The following PIK3R1 variants were observed in gnomAD, a reference collection of about 807,000 sequenced individuals.
PIK3R1 encodes phosphoinositide-3-kinase regulatory subunit 1.
Under a neutral mutation model 98.0 loss-of-function variants are expected in PIK3R1, and 29 were observed. That is an observed-to-expected ratio of 0.30 (90% CI 0.22 to 0.40). The LOEUF is 0.40. Among genes scored for constraint, PIK3R1 ranks in the 10% least tolerant of loss-of-function variants. The pLI is 1.00. For synonymous variants in PIK3R1, 282 were observed against 311.8 expected (o/e 0.90, Z 1.01); for missense variants, 596 against 872.7 (o/e 0.68, Z 3.99).
chr5:68,294,474 T>A, intron 11 of PIK3R1, 62 bp from the exon 12 acceptor site: 1 of 1,271,108 alleles, frequency 7.9e-7, no homozygotes, highest in Non-Finnish European at 1.1e-6. Context: ...CCTGGTAGTG[T>A]CTTGCAGTAA....
intron 4 of PIK3R1, among the ~76,000 whole-genome samples, chr5:68,277,344 T>A (rs1322066491): frequency 6.6e-6 from 1 of 152,224 alleles, no homozygotes; most frequent in Non-Finnish European, 1.5e-5. Flanking sequence ...ACTACAGTGG[T>A]ATTGCCCCTC....
intron 2 of PIK3R1, among the ~76,000 whole-genome samples, chr5:68,229,120 GGA>G (rs1176790641): frequency 1.0e-5 from 1 of 100,220 alleles, no homozygotes; most frequent in Non-Finnish European, 1.9e-5. Flanking sequence ...AAGATTGAAA[GGA>G]GAGTGTTGGG....
intron 7 of PIK3R1, chr5:68,288,501 G>C (rs1316445499): frequency 7.6e-7 from 1 of 1,315,944 alleles, no homozygotes; most frequent in Non-Finnish European, 9.6e-7. Flanking sequence ...GGCGGGGCGT[G>C]GGGCGGAGGG....
chr5:68,293,914 G>A (rs906031257), intron 11 of PIK3R1, 80 bp downstream of exon 11: 22 of 1,177,068 alleles, frequency 1.9e-5, no homozygotes, highest in Admixed American at 1.0e-4. Flanking sequence ...GAATTTAAAA[G>A]GTTGAGTTTT....
Position 68,297,663 on chromosome 5 carries a change from G to A in PIK3R1, c.*62G>A, listed in dbSNP as rs1747806177. The A allele has an allele frequency of 1.5e-6, 2 of 1,373,492 alleles. No homozygotes were observed. Among genetic ancestry groups the A allele is most frequent in the Non-Finnish European group, 2.0e-6 (2 of 977,554 alleles). The allele number at this position is 1,373,492 out of a possible 1,614,324, so 85.1% of individuals were successfully genotyped here. On this transcript the variant is annotated 3_prime_UTR_variant, in exon 16 of 16. Coordinates refer to ENST00000521381, the MANE Select transcript of PIK3R1 (RefSeq NM_181523.3). ...CACCCTGAGGCCTCTGGAAAGCAAA[G>A]GGCTCCTCTCCAGTCTGATCTGTGA... is the stretch of plus-strand genomic sequence containing the variant.
intron 2 of PIK3R1, among the ~76,000 whole-genome samples, chr5:68,251,178 A>T (rs1745293046): frequency 6.6e-6 from 1 of 152,158 alleles, no homozygotes; most frequent in South Asian, 2.1e-4. Context: ...TACAGTGGTT[A>T]TATTAGTTAC....
intron 4 of PIK3R1, among the ~76,000 whole-genome samples, chr5:68,275,315 T>G (rs1746527956): frequency 6.6e-6 from 1 of 152,154 alleles, no homozygotes; most frequent in Non-Finnish European, 1.5e-5. Flanking sequence ...CTGACAGCTT[T>G]ATCAGGGCTT....
chr5:68,290,019 C>G (rs1747301229), intron 7 of PIK3R1, among the ~76,000 whole-genome samples: 2 of 152,136 alleles, frequency 1.3e-5, no homozygotes, highest in African/African-American at 4.8e-5. Context: ...ATCTGCATTC[C>G]TATTCAGAAT....
At chr5:68,273,884 T>C in intron 3 of PIK3R1, 55 bp from the exon 4 acceptor site, 1 of 1,338,468 alleles carries the variant, frequency 7.5e-7, no homozygotes, top group Non-Finnish European at 1.1e-6. Flanking sequence ...GCCTCACAGG[T>C]TCTCCAGAGA....
intron 2 of PIK3R1, among the ~76,000 whole-genome samples, chr5:68,268,730 C>T (rs1746221258): frequency 6.6e-6 from 1 of 152,206 alleles, no homozygotes; most frequent in African/African-American, 2.4e-5. Context: ...TTAAACTTTC[C>T]AGTGGGCCCT....
intron 2 of PIK3R1, among the ~76,000 whole-genome samples, chr5:68,253,002 G>T (rs112284775): frequency 6.6e-6 from 1 of 151,960 alleles, no homozygotes. Context: ...TTGACTTTAT[G>T]TCTGGCTTAG....
At position 68,300,418 on chromosome 5, in the gene PIK3R1, TATG is replaced by T. The variant is rs749570659; in HGVS notation, c.*2820_*2822del. 5.6e-5 allele frequency: 13 copies of T among 233,052 alleles called. No homozygotes were observed. Among genetic ancestry groups the T allele is most frequent in the South Asian group, 3.6e-4 (2 of 5,518 alleles). The allele number at this position is 233,052 out of a possible 1,614,324, so 14.4% of individuals were successfully genotyped here. On this transcript the variant is annotated 3_prime_UTR_variant, in exon 16 of 16. Coordinates refer to ENST00000521381, the MANE Select transcript of PIK3R1 (RefSeq NM_181523.3). ...AGATACAGCAGAGGCACTCCTGATA[TATG>T]ATTTTTATCCATGCGTCAGTTTTTC...
At chr5:68,239,586 A>C (rs1276239617) in intron 2 of PIK3R1, among the ~76,000 whole-genome samples, 1 of 152,228 alleles carries the variant, frequency 6.6e-6, no homozygotes, top group Non-Finnish European at 1.5e-5. Flanking sequence ...GAGATGGCCC[A>C]AGGTCACACA....
chr5:68,283,189 C>T (rs1459008689), intron 7 of PIK3R1, among the ~76,000 whole-genome samples: 2 of 152,174 alleles, frequency 1.3e-5, no homozygotes, highest in African/African-American at 4.8e-5. Context: ...TGGCCATTTA[C>T]AGTAACATTG....
At chr5:68,250,743 CTAT>C (rs1209300652) in intron 2 of PIK3R1, among the ~76,000 whole-genome samples, 1 of 152,114 alleles carries the variant, frequency 6.6e-6, no homozygotes, top group Non-Finnish European at 1.5e-5. Context: ...TGGAGACTTC[CTAT>C]TATTAGCATT....
intron 2 of PIK3R1, among the ~76,000 whole-genome samples, chr5:68,257,780 A>T (rs1745578231): frequency 6.6e-6 from 1 of 152,208 alleles, no homozygotes; most frequent in Admixed American, 6.5e-5. Flanking sequence ...CCCAGGAACT[A>T]ACATTTCCAA....
At chr5:68,272,244 C>A (rs533412618) in intron 2 of PIK3R1, among the ~76,000 whole-genome samples, 5 of 134,318 alleles carry the variant, frequency 3.7e-5, no homozygotes, top group African/African-American at 1.3e-4. Context: ...CAGAGCGAGA[C>A]CCTGTCTCAA....
intron 7 of PIK3R1, chr5:68,291,113 T>A: frequency 3.1e-6 from 1 of 327,174 alleles, no homozygotes; most frequent in Non-Finnish European, 5.6e-6. Context: ...GATCCTTCCC[T>A]GGGTGAGTTA....
intron 3 of PIK3R1, 75 bp from the exon 4 acceptor site, chr5:68,273,864 T>C: frequency 8.9e-7 from 1 of 1,123,206 alleles, no homozygotes; most frequent in Non-Finnish European, 1.4e-6. Context: ...CTGGAATGTC[T>C]CTGGCAGCAG....
Sources: gnomAD v4.1 joint callset for allele counts (sites outside exome capture counted in the v4.1 genomes callset) on GRCh38, gnomAD v4.1.1 for gene constraint, MANE v1.5 for transcripts, NCBI Gene and HGNC (gene_info 2026-07-23, HGNC 2026-07-21) for gene names.